ADCK2: variants seen among roughly 807,000 people sequenced by gnomAD.
ADCK2 encodes uncharacterized aarF domain-containing protein kinase 2.
A neutral mutation model predicts 52.3 loss-of-function variants in ADCK2; 37 were observed. The observed-to-expected ratio is 0.71, with a 90% CI of 0.54 to 0.93. The LOEUF (loss-of-function observed/expected upper bound fraction) is 0.93. Among genes scored for constraint, ADCK2 ranks in the 40% least tolerant of loss-of-function variants. The pLI is 0.00. For missense variants in ADCK2, 695 were observed against 798.7 expected, an observed-to-expected ratio of 0.87 and a Z score of 1.56; for synonymous variants, 321 against 349.2, an observed-to-expected ratio of 0.92 and a Z score of 0.90.
intron 2 of ADCK2, among the ~76,000 whole-genome samples, chr7:140,676,776 CT>C (rs1489616995): frequency 1.3e-5 from 2 of 152,150 alleles, no homozygotes; most frequent in Non-Finnish European, 2.9e-5. Flanking sequence ...AATCCAAGGA[CT>C]TTGGGAGGCT....
chr7:140,677,877 C>A (rs990653056), intron 2 of ADCK2, among the ~76,000 whole-genome samples: 1 of 152,100 alleles, frequency 6.6e-6, no homozygotes, highest in Admixed American at 6.6e-5. Flanking sequence ...GTAAAGAAGC[C>A]AGAGGAGAGC....
intron 7 of ADCK2, among the ~76,000 whole-genome samples, chr7:140,692,942 C>A (rs1018268558): frequency 2.0e-5 from 3 of 152,172 alleles, no homozygotes; most frequent in African/African-American, 4.8e-5. Context: ...TATATGCCCA[C>A]CAACAGTACA....
chr7:140,678,564 G>A lies in ADCK2; in HGVS notation c.1081-591G>A, dbSNP rs562872395. Among the ~76,000 whole-genome samples, 1 of 152,294 alleles carries A rather than the reference G, an allele frequency of 6.6e-6. No homozygotes were observed. Among genetic ancestry groups the A allele is most frequent in the African/African-American group, 2.4e-5 (1 of 41,564 alleles). On this transcript the variant is annotated intron_variant, in intron 2 of 7. Transcript: ENST00000072869. This position sits in a 1 kb window ranked among gnomAD's most constrained non-coding sequence, Gnocchi z 4.9. ...GCGAGAGGCAGCAGGGGTGCCAGGA[G>A]AGTGAAGGGCAGGTGCCGGGGGAAG...
chr7:140,690,295 C>T (rs565509078), intron 6 of ADCK2, among the ~76,000 whole-genome samples: 10 of 152,210 alleles, frequency 6.6e-5, no homozygotes, highest in East Asian at 3.9e-4. Context: ...TTCCACCTCC[C>T]GGATTCAAGC....
At chr7:140,684,450 C>T (rs1300248288) in intron 4 of ADCK2, among the ~76,000 whole-genome samples, 5 of 152,032 alleles carry the variant, frequency 3.3e-5, no homozygotes, top group African/African-American at 1.2e-4. Flanking sequence ...GGGGTCTGGA[C>T]TTTCTGGTGG....
In ADCK2 at chr7:140,689,701, G is replaced by A. The variant is rs577482372; in HGVS notation, c.1662G>A (p.Arg554=). 378 of 1,613,374 alleles carry A rather than the reference G, an allele frequency of 2.3e-4. No homozygotes were observed. The South Asian group carries it at 3.2e-3, about 14-fold the overall frequency. ...TEMAMLVTQA[R]KNTITLEKLH... is the part of the protein sequence containing the mutation. ...TGGCCATGCTGGTGACCCAGGCCAG[G>A]AAGAACACCATCACCCTGGAGAAGG... The change falls in exon 6 of 8, where the codon AGG becomes AGA. Residue 554 remains arginine (R), a synonymous_variant. Coordinates refer to ENST00000072869, the MANE Select transcript of ADCK2 (RefSeq NM_052853.4).
In ADCK2 at chr7:140,674,079, TG is replaced by T; in HGVS notation, c.750del (p.Arg251GlufsTer23). 6.2e-7 allele frequency: 1 copy of T among 1,614,118 alleles called. No individual in the cohort carries two copies. The highest frequency in any genetic ancestry group is 2.2e-5 in the East Asian group (1 of 44,872). The stretch of plus-strand genomic sequence containing the variant: ...TCACATACTGGGGCAGTCGGTGGGC[TG>T]AGAGAGCTCTTTGGATACCTTGGAA... ...PFSHTGAVGG[L>X]RELFGYLGNG... On this transcript the variant is annotated frameshift_variant, in exon 1 of 8. Transcript: ENST00000072869. LOFTEE classifies it high-confidence loss of function. The surrounding 1 kb of genome is among the most constrained non-coding windows in gnomAD (Gnocchi z 4.6).
At position 140,686,996 on chromosome 7, in the gene ADCK2, G is replaced by T. The variant is rs773243022; in HGVS notation, c.1312G>T (p.Val438Leu). ...GINMLLKMIF[V>L]DNFVHADLHP... ...CATTGTGATCTCCTTCCAGATATTTGTGGATAACTTTGTCCATGCAGACCT... is the reference window on the plus strand; with the variant it reads ...CATTGTGATCTCCTTCCAGATATTTTTGGATAACTTTGTCCATGCAGACCT... Residue 438 changes from valine to leucine, a missense_variant, in exon 5 of 8, where the codon GTG (valine) becomes TTG (leucine). Transcript: ENST00000072869. 3.1e-6 allele frequency: 5 copies of T among 1,612,266 alleles called. No homozygotes were observed. The Admixed American group carries it at 8.3e-5, about 27-fold the overall frequency.
intron 5 of ADCK2, among the ~76,000 whole-genome samples, chr7:140,687,548 C>G (rs1432614556): frequency 1.3e-5 from 2 of 152,042 alleles, no homozygotes; most frequent in African/African-American, 4.8e-5. Flanking sequence ...AATCCTGTCT[C>G]TACTAAAAAT....
At chr7:140,681,432 CT>C (rs1364615131) in intron 4 of ADCK2, among the ~76,000 whole-genome samples, 1 of 151,994 alleles carries the variant, frequency 6.6e-6, no homozygotes, top group East Asian at 1.9e-4. Context: ...ATTCTCCTGC[CT>C]CAGCCTCCCA....
chr7:140,686,880 C>A (rs540041809), intron 4 of ADCK2, 110 bp from the exon 5 acceptor site: 2 of 1,423,728 alleles, frequency 1.4e-6, no homozygotes, highest in Middle Eastern at 2.0e-4. Flanking sequence ...CACCTCTTTG[C>A]GGCTGTGATA....
In ADCK2 at chr7:140,691,541, G is replaced by A. The variant is rs371964671; in HGVS notation, c.1740+728G>A. On this transcript the variant is annotated intron_variant, in intron 7 of 7. Coordinates refer to ENST00000072869, the MANE Select transcript of ADCK2 (RefSeq NM_052853.4). Reference sequence around the variant, plus strand: ...TTTCAGAGGCCCTAGCGGGACTGCTGTGGCCCCTGCCTGGCTGCTGTAGTC... The same window carrying A: ...TTTCAGAGGCCCTAGCGGGACTGCTATGGCCCCTGCCTGGCTGCTGTAGTC... Among the ~76,000 whole-genome samples the A allele has an allele frequency of 3.3e-5, 5 of 152,264 alleles. No individual in the cohort carries two copies. In the South Asian group the frequency reaches 1.0e-3, roughly 32 times the overall value.
chr7:140,681,021 C>T, intron 3 of ADCK2, 21 bp from the exon 4 acceptor site: 1 of 1,612,254 alleles, frequency 6.2e-7, no homozygotes, highest in Non-Finnish European at 8.5e-7. Flanking sequence ...TTAAGCTGTT[C>T]TCTCCCTGGT....
chr7:140,679,500 C>T (rs574401400), intron 3 of ADCK2, among the ~76,000 whole-genome samples: 1 of 151,996 alleles, frequency 6.6e-6, no homozygotes, highest in Non-Finnish European at 1.5e-5. Context: ...TGAAAATCTG[C>T]TCTGCCATTT....
intron 7 of ADCK2, 85 bp from the exon 8 acceptor site, chr7:140,694,576 TGA>T (rs1339331287): frequency 1.5e-6 from 2 of 1,347,206 alleles, no homozygotes; most frequent in East Asian, 2.4e-5. Flanking sequence ...TGAGGGAGGC[TGA>T]GAGTGGACAG....
chr7:140,689,852 C>A, intron 6 of ADCK2, 127 bp downstream of exon 6: 1 of 1,202,550 alleles, frequency 8.3e-7, no homozygotes, highest in East Asian at 3.1e-5. Flanking sequence ...AGAACCACCC[C>A]ACATCTTCCA....
Position 140,674,449 on chromosome 7 carries a change from G to T in ADCK2, c.934-162G>T, listed in dbSNP as rs919362910. On this transcript the variant is annotated intron_variant, in intron 1 of 7. Coordinates refer to ENST00000072869, the MANE Select transcript of ADCK2 (RefSeq NM_052853.4). The surrounding 1 kb of genome is among the most constrained non-coding windows in gnomAD (Gnocchi z 4.6). ...TGTGAATAGTCTGATAGAGGAAAAT[G>T]AACTGAGTCTGGAGTGAACTAACTG... The T allele has an allele frequency of 3.6e-6, 4 of 1,117,608 alleles. No homozygotes were observed. The African/African-American group carries it at 6.3e-5, about 18-fold the overall frequency. The allele number at this position is 1,117,608 out of a possible 1,614,324, so 69.2% of individuals were successfully genotyped here.
chr7:140,673,325 G>A lies in ADCK2; in HGVS notation c.-6G>A, dbSNP rs1385359263. 7.0e-7 allele frequency: 1 copy of A among 1,437,894 alleles called. No homozygotes were observed. The highest frequency in any genetic ancestry group is 9.1e-7 in the Non-Finnish European group (1 of 1,094,426). 89.1% of individuals were successfully genotyped at this position (1,437,894 alleles called of 1,614,324 possible). A position where few individuals can be genotyped will look rare whatever the true frequency, so the allele number is the denominator to read the frequency against. On this transcript the variant is annotated 5_prime_UTR_variant, in exon 1 of 8. Coordinates refer to ENST00000072869, the MANE Select transcript of ADCK2 (RefSeq NM_052853.4). This position sits in a 1 kb window ranked among gnomAD's most constrained non-coding sequence, Gnocchi z 6.4. ...GCGGGCCGCCTGGGCCGCGGGCCTC[G>A]GGAGGATGGTGGCGCCCTGGCGCGT...
In ADCK2 at chr7:140,687,213, C is replaced by T; in HGVS notation, c.1529C>T (p.Ala510Val). Residue 510 changes from alanine (A) to valine (V), a missense_variant, in exon 5 of 8, where the codon GCA becomes GTA. Physicochemically the swap from Ala to Val is moderately conservative, Grantham distance 64. Coordinates refer to ENST00000072869, the MANE Select transcript of ADCK2 (RefSeq NM_052853.4). ...LQAPDLRNFR[A>V]VFMAVVMGQG... ...GCCCCTGACCTGAGGAATTTCCGGG[C>T]AGTTTTCATGGCTGTGGTGATGGGG... The T allele has an allele frequency of 6.3e-7, 1 of 1,576,752 alleles. No individual in the cohort carries two copies. Among genetic ancestry groups the T allele is most frequent in the Middle Eastern group, 1.8e-4 (1 of 5,578 alleles).
Sources: allele counts gnomAD v4.1 joint callset (sites outside exome capture counted in the v4.1 genomes callset), GRCh38; gene constraint gnomAD v4.1.1; non-coding constraint Gnocchi (gnomAD v3.1); transcripts MANE v1.5; gene names NCBI Gene and HGNC (gene_info 2026-07-23, HGNC 2026-07-21).